ARHGAP32: variants seen among roughly 807,000 people sequenced by gnomAD.
ARHGAP32 encodes the protein Rho GTPase activating protein 32.
A neutral mutation model predicts 186.5 loss-of-function variants in ARHGAP32; 51 were observed. The ratio of observed to expected loss-of-function variants is 0.27; its 90% CI spans 0.22 to 0.35. The LOEUF is 0.35. Ranked by LOEUF, ARHGAP32 falls within the 10% of genes least tolerant of loss-of-function variation. The probability of loss-of-function intolerance (pLI) is 1.00; values close to 1 mark genes in which losing one functional copy is unlikely to be tolerated. For missense variants in ARHGAP32, 2,186 were observed against 2,623.5 expected (o/e 0.83, Z 3.64); for synonymous variants, 950 against 964.3 (o/e 0.99, Z 0.27).
In ARHGAP32 at chr11:129,179,588, T is replaced by C. The variant is rs531938874; in HGVS notation, c.116+12495A>G. Among the ~76,000 whole-genome samples, 7 of 151,660 alleles carry C rather than the reference T, an allele frequency of 4.6e-5. No homozygotes were observed. The East Asian group carries it at 1.2e-3, about 25-fold the overall frequency. On this transcript the variant is annotated intron_variant, in intron 1 of 22. Transcript: ENST00000682385. ...GACTGGATTAAGAAAATGTGGCACA[T>C]ATACACCATGGAATACTATGCAGCC...
At chr11:129,093,417 T>G (rs563198832) in intron 6 of ARHGAP32, among the ~76,000 whole-genome samples, 1 of 152,244 alleles carries the variant, frequency 6.6e-6, no homozygotes, top group South Asian at 2.1e-4. Context: ...TGTAGTATTG[T>G]ATGAATACAC....
At chr11:129,097,584 G>A (rs1786458) in intron 5 of ARHGAP32, among the ~76,000 whole-genome samples, 19,452 of 151,998 alleles carry the variant, frequency 0.13, 1,402 homozygotes, top group South Asian at 0.32. Context: ...GAAACAATTA[G>A]TTAACTTAAA....
chr11:129,252,412 G>A (rs77271701), intron 1 of ARHGAP32, among the ~76,000 whole-genome samples: 1 of 152,112 alleles, frequency 6.6e-6, no homozygotes, highest in Admixed American at 6.5e-5. Context: ...TGGCAACTTC[G>A]GTCCTTGAGA....
At chr11:129,194,364 T>C (rs953825682), upstream of ARHGAP32, among the ~76,000 whole-genome samples, 10 of 152,058 alleles carry the variant, frequency 6.6e-5, no homozygotes, top group African/African-American at 1.9e-4. Context: ...AATAGAAAAC[T>C]AGGCAAATTA....
chr11:129,010,469 A>G (rs1022585540), intron 11 of ARHGAP32, among the ~76,000 whole-genome samples: 3 of 152,088 alleles, frequency 2.0e-5, no homozygotes, highest in Non-Finnish European at 2.9e-5. Context: ...TGATTTTTGT[A>G]TAAGGTGTAA....
At chr11:129,150,148 A>C (rs1457652949) in intron 2 of ARHGAP32, among the ~76,000 whole-genome samples, 2 of 150,762 alleles carry the variant, frequency 1.3e-5, no homozygotes. Context: ...AAATGAACAG[A>C]GCCTCCAAGA....
intron 5 of ARHGAP32, among the ~76,000 whole-genome samples, chr11:129,098,480 G>A (rs374856981): frequency 4.1e-4 from 62 of 150,894 alleles, no homozygotes; most frequent in African/African-American, 1.3e-3. Context: ...GTGCAGTGGC[G>A]CGATCTCGGC....
intron 11 of ARHGAP32, among the ~76,000 whole-genome samples, chr11:129,031,786 T>C (rs1321577023): frequency 6.6e-6 from 1 of 152,166 alleles, no homozygotes; most frequent in African/African-American, 2.4e-5. Flanking sequence ...CAAAACCACC[T>C]TGGCCTGACC....
chr11:128,992,501 G>A (rs924490104), intron 12 of ARHGAP32, among the ~76,000 whole-genome samples: 2 of 151,970 alleles, frequency 1.3e-5, no homozygotes, highest in South Asian at 2.1e-4. Flanking sequence ...AGTAGGCTGC[G>A]GGCAGTGGCT....
At chr11:129,016,445 G>A (rs1004184991) in intron 11 of ARHGAP32, among the ~76,000 whole-genome samples, 1 of 152,042 alleles carries the variant, frequency 6.6e-6, no homozygotes, top group Admixed American at 6.6e-5. Context: ...ATGTTTTTTA[G>A]GGAGAGATAT....
Position 129,109,956 on chromosome 11 carries a change from T to C in ARHGAP32, c.444+13490A>G, listed in dbSNP as rs115242767. On this transcript the variant is annotated intron_variant, in intron 5 of 22. Coordinates refer to ENST00000682385, the MANE Select transcript of ARHGAP32 (RefSeq NM_001378024.1). ...GCAAAAGGTTCTTAGTTTAATAGAG[T>C]ATCATTTGTCTATTTTTGTTTCTGT... Among the ~76,000 whole-genome samples, 678 of 152,156 alleles carry C rather than the reference T, an allele frequency of 4.5e-3. 10 individuals are homozygous for C. Among genetic ancestry groups the C allele is most frequent in the African/African-American group, 0.015 (624 of 41,512 alleles).
chr11:129,169,504 G>A (rs1011050194), intron 1 of ARHGAP32, among the ~76,000 whole-genome samples: 13 of 151,760 alleles, frequency 8.6e-5, no homozygotes, highest in South Asian at 2.1e-4. Flanking sequence ...GGTGGCGGGC[G>A]CCTATAGTCC....
At chr11:129,165,314 G>A (rs1943613290) in intron 1 of ARHGAP32, among the ~76,000 whole-genome samples, 1 of 151,840 alleles carries the variant, frequency 6.6e-6, no homozygotes, top group Non-Finnish European at 1.5e-5. Context: ...CCCATCAATG[G>A]TGAGGAGATG....
intron 11 of ARHGAP32, among the ~76,000 whole-genome samples, chr11:129,014,829 C>A (rs570003665): frequency 6.6e-6 from 1 of 152,144 alleles, no homozygotes; most frequent in Non-Finnish European, 1.5e-5. Context: ...CAAATACAGG[C>A]AACTGGATTA....
chr11:129,062,282 G>A lies in ARHGAP32; in HGVS notation c.961C>T (p.Gln321Ter). 1 of 1,613,028 alleles carries A rather than the reference G, an allele frequency of 6.2e-7. No individual in the cohort carries two copies. Among genetic ancestry groups the A allele is most frequent in the Non-Finnish European group, 8.5e-7 (1 of 1,179,356 alleles). ...ACACCTAATTTGCTGCTGCCTACCT[G>A]GAATCCGTGCTTGCCTCTCCACCAT... ...STWWRGKHGF[Q>*]VGLFPGHCVE... The change falls in exon 10 of 23, where the codon CAG (glutamine) becomes TAG (stop). Residue 321 changes from glutamine (Q) to a stop codon, truncating the protein, a stop_gained and splice_region_variant. Coordinates refer to ENST00000682385, the MANE Select transcript of ARHGAP32 (RefSeq NM_001378024.1). LOFTEE classifies it high-confidence loss of function.
chr11:129,102,885 C>G (rs959541687), intron 5 of ARHGAP32, among the ~76,000 whole-genome samples: 26 of 152,072 alleles, frequency 1.7e-4, no homozygotes, highest in Non-Finnish European at 1.5e-5. Context: ...TATACACCCC[C>G]CAAAGACAAA....
chr11:129,078,896 A>G (rs1028089816), intron 6 of ARHGAP32, among the ~76,000 whole-genome samples: 9 of 152,084 alleles, frequency 5.9e-5, no homozygotes, highest in African/African-American at 2.2e-4. Context: ...AAATCTCCAG[A>G]GAAATAACAT....
chr11:129,044,433 G>T (rs563183906), intron 10 of ARHGAP32, among the ~76,000 whole-genome samples: 129 of 152,236 alleles, frequency 8.5e-4, no homozygotes, highest in Middle Eastern at 3.4e-3. Context: ...AGAACTTGGC[G>T]ATGACCTTGA....
intron 2 of ARHGAP32, among the ~76,000 whole-genome samples, chr11:129,147,383 T>C (rs565789900): frequency 6.6e-6 from 1 of 152,266 alleles, no homozygotes; most frequent in South Asian, 2.1e-4. Flanking sequence ...CTTTGTTCCA[T>C]TCAGTAAATT....
Sources: allele counts gnomAD v4.1 joint callset (sites outside exome capture counted in the v4.1 genomes callset), GRCh38; gene constraint gnomAD v4.1.1; transcripts MANE v1.5; gene names NCBI Gene and HGNC (gene_info 2026-07-23, HGNC 2026-07-21).